Variants in KLHDC10 observed in about 807,000 individuals in gnomAD.
The protein encoded by KLHDC10 is kelch domain containing 10.
In KLHDC10, 24 loss-of-function variants were observed where a neutral mutation model predicts 56.1. The ratio of observed to expected loss-of-function variants is 0.43; its 90% confidence interval spans 0.31 to 0.60. The LOEUF (loss-of-function observed/expected upper bound fraction) is 0.60. KLHDC10 is among the 20% of genes least tolerant of loss of function. The probability of loss-of-function intolerance (pLI) is 0.11; values close to 1 mark genes in which losing one functional copy is unlikely to be tolerated. For missense variants in KLHDC10, 349 were observed against 567.0 expected (o/e 0.62, Z 3.91); for synonymous variants, 188 against 207.1 (o/e 0.91, Z 0.79).
intron 5 of KLHDC10, among the ~76,000 whole-genome samples, chr7:130,124,018 C>T (rs959511874): frequency 2.0e-5 from 3 of 152,028 alleles, no homozygotes. Context: ...TAATAATTTC[C>T]CCTTTATACA....
intron 5 of KLHDC10, among the ~76,000 whole-genome samples, chr7:130,123,250 C>T (rs1013118533): frequency 6.6e-6 from 1 of 152,028 alleles, no homozygotes; most frequent in East Asian, 1.9e-4. Context: ...AGGCGGATCA[C>T]GAGGTCAGGA....
chr7:130,125,791 T>TA lies in KLHDC10; in HGVS notation c.865-68dup. ...GCTTTAAAAAACAAAGTCTATTTTT[T>TA]AAAAAATCCTTTTTCAGGCTAGCTA... On this transcript the variant is annotated intron_variant, in intron 6 of 9. Coordinates refer to ENST00000335420, the MANE Select transcript of KLHDC10 (RefSeq NM_014997.4). 2.5e-6 allele frequency: 3 copies of TA among 1,194,776 alleles called. No homozygotes were observed. The South Asian group carries it at 4.2e-5, about 17-fold the overall frequency. The allele number at this position is 1,194,776 out of a possible 1,614,324, so 74.0% of individuals were successfully genotyped here.
At chr7:130,103,821 A>G (rs1036334901) in intron 2 of KLHDC10, among the ~76,000 whole-genome samples, 1 of 151,952 alleles carries the variant, frequency 6.6e-6, no homozygotes, top group Non-Finnish European at 1.5e-5. Context: ...CAGGAGTGGT[A>G]GCTTACACCT....
chr7:130,126,212 G>A (rs565729438), intron 7 of KLHDC10, among the ~76,000 whole-genome samples: 5 of 152,120 alleles, frequency 3.3e-5, no homozygotes, highest in South Asian at 4.1e-4. Flanking sequence ...CAGCTACTCC[G>A]GAGGCTGAGG....
In KLHDC10 at chr7:130,098,501, GA is replaced by G. The variant is rs58642096; in HGVS notation, c.253+1502del. ...GAGTGAGACTTTTCTCCAAAAAAAA[GA>G]AAAAAAATTAGATGATTTTAGTATT... On this transcript the variant is annotated intron_variant, in intron 2 of 9. Coordinates refer to ENST00000335420, the MANE Select transcript of KLHDC10 (RefSeq NM_014997.4). Among the ~76,000 whole-genome samples, 12 of 151,724 alleles carry G rather than the reference GA, an allele frequency of 7.9e-5. No homozygotes were observed. The South Asian group carries it at 2.3e-3, about 29-fold the overall frequency.
At chr7:130,107,864 AAAAG>A (rs1272415510) in intron 2 of KLHDC10, among the ~76,000 whole-genome samples, 5 of 145,460 alleles carry the variant, frequency 3.4e-5, no homozygotes, top group South Asian at 2.2e-4. Flanking sequence ...AAAAAAAAAA[AAAAG>A]AGCCGGACGC....
chr7:130,121,113 T>G (rs1796242447), intron 4 of KLHDC10, among the ~76,000 whole-genome samples: 1 of 152,180 alleles, frequency 6.6e-6, no homozygotes, highest in Admixed American at 6.5e-5. Flanking sequence ...TCTTTTCTTT[T>G]TTTTTCACTT....
chr7:130,083,866 GT>G (rs199615067), intron 1 of KLHDC10, among the ~76,000 whole-genome samples: 1 of 152,180 alleles, frequency 6.6e-6, no homozygotes, highest in African/African-American at 2.4e-5. Flanking sequence ...GGCTTCCTGG[GT>G]GTCAGGTCTC....
Position 130,077,366 on chromosome 7 carries a change from A to AC in KLHDC10, c.166+6557_166+6558insC, listed in dbSNP as rs1446305516. Among the ~76,000 whole-genome samples the AC allele has an allele frequency of 1.8e-3, 269 of 147,976 alleles. 13 individuals are homozygous for AC. In the East Asian group the frequency reaches 0.048, roughly 26 times the overall value. On this transcript the variant is annotated intron_variant, in intron 1 of 9. Coordinates refer to ENST00000335420, the MANE Select transcript of KLHDC10 (RefSeq NM_014997.4). ...AAGACTCTGTCTCAAAAAAAAAAAA[A>AC]AAAAAAAAAAAAAAAACAGTATATG...
chr7:130,107,986 G>C (rs1796036574), intron 2 of KLHDC10, among the ~76,000 whole-genome samples: 1 of 151,446 alleles, frequency 6.6e-6, no homozygotes, highest in Non-Finnish European at 1.5e-5. Context: ...CTGCACCCCA[G>C]CCTGGGGGAC....
In KLHDC10 at chr7:130,116,727, G is replaced by A; in HGVS notation, c.475+61G>A. 7.7e-7 allele frequency: 1 copy of A among 1,301,728 alleles called. No individual in the cohort carries two copies. The highest frequency in any genetic ancestry group is 1.5e-5 in the African/African-American group (1 of 68,606). 80.6% of individuals were successfully genotyped at this position (1,301,728 alleles called of 1,614,324 possible). ...AAATGTCTGAGAAGCCAGGTTCAAT[G>A]TCCCATATTCCTCATTAATAATTTA... is the stretch of plus-strand genomic sequence containing the variant. On this transcript the variant is annotated intron_variant, in intron 3 of 9. Coordinates refer to ENST00000335420, the MANE Select transcript of KLHDC10 (RefSeq NM_014997.4). This position sits in a 1 kb window ranked among gnomAD's most constrained non-coding sequence, Gnocchi z 4.8.
Position 130,131,664 on chromosome 7 carries a change from G to C in KLHDC10, c.*918G>C, listed in dbSNP as rs1287984127. ...TAAATGCCATGTAACATGAACACAA[G>C]CTCCCGAGGGAGGCCAGAGAAGAGC... is the stretch of plus-strand genomic sequence containing the variant. On this transcript the variant is annotated 3_prime_UTR_variant, in exon 10 of 10. Coordinates refer to ENST00000335420, the MANE Select transcript of KLHDC10 (RefSeq NM_014997.4). 2 of 152,164 alleles carry C rather than the reference G, an allele frequency of 1.3e-5. No homozygotes were observed. Among genetic ancestry groups the C allele is most frequent in the African/African-American group, 4.8e-5 (2 of 41,406 alleles). The allele number at this position is 152,164 out of a possible 1,614,324, so 9.4% of individuals were successfully genotyped here. A position where few individuals can be genotyped will look rare whatever the true frequency, so the allele number is the denominator to read the frequency against.
intron 5 of KLHDC10, among the ~76,000 whole-genome samples, chr7:130,123,016 T>TATGGATGGATGGATGGATGG (rs34901862): frequency 5.4e-5 from 8 of 148,932 alleles, no homozygotes; most frequent in African/African-American, 2.0e-4. Context: ...TAGATGGATG[T>TATGGATGGATGGATGGATGG]ATGGATGGAT....
chr7:130,075,299 CAAAG>C (rs1329282711), intron 1 of KLHDC10, among the ~76,000 whole-genome samples: 2 of 151,520 alleles, frequency 1.3e-5, no homozygotes, highest in Non-Finnish European at 2.9e-5. Context: ...GGAAAACTGA[CAAAG>C]AAAAAGAAGG....
intron 1 of KLHDC10, among the ~76,000 whole-genome samples, chr7:130,074,619 C>CTTT (rs577941524): frequency 7.9e-5 from 11 of 139,302 alleles, no homozygotes; most frequent in African/African-American, 1.6e-4. Flanking sequence ...GGTTCTCTCT[C>CTTT]TTTTTTTTTT....
intron 1 of KLHDC10, among the ~76,000 whole-genome samples, chr7:130,080,566 A>C (rs932741489): frequency 2.6e-5 from 4 of 151,584 alleles, no homozygotes; most frequent in South Asian, 2.1e-4. Flanking sequence ...CTAATTAAAA[A>C]AAATTTTTTT....
intron 2 of KLHDC10, among the ~76,000 whole-genome samples, chr7:130,099,580 C>G (rs561097553): frequency 8.5e-5 from 13 of 152,202 alleles, no homozygotes; most frequent in Admixed American, 3.3e-4. Flanking sequence ...GGGTTGGATC[C>G]TCTCAAACCA....
chr7:130,106,799 G>A (rs1796013510), intron 2 of KLHDC10, among the ~76,000 whole-genome samples: 1 of 151,968 alleles, frequency 6.6e-6, no homozygotes, highest in Admixed American at 6.6e-5. Context: ...GCAACACTCT[G>A]TCTCTAAGAA....
intron 2 of KLHDC10, among the ~76,000 whole-genome samples, 186 bp downstream of exon 2, chr7:130,097,193 G>A (rs1795861272): frequency 6.6e-6 from 1 of 152,164 alleles, no homozygotes; most frequent in African/African-American, 2.4e-5. Flanking sequence ...GATTGTAATT[G>A]TAAGTTTCAG....
Sources: allele counts gnomAD v4.1 joint callset (sites outside exome capture counted in the v4.1 genomes callset), GRCh38; gene constraint gnomAD v4.1.1; non-coding constraint Gnocchi (gnomAD v3.1); transcripts MANE v1.5; gene names NCBI Gene and HGNC (gene_info 2026-07-23, HGNC 2026-07-21).